FARSB: variants seen among roughly 807,000 people sequenced by gnomAD.
FARSB encodes phenylalanyl-tRNA synthetase subunit beta.
Under a neutral mutation model 69.6 loss-of-function variants are expected in FARSB, and 40 were observed. The observed-to-expected ratio is 0.57, with a 90% CI of 0.45 to 0.75. FARSB has a LOEUF of 0.75. FARSB is among the 30% of genes least tolerant of loss of function. FARSB has a pLI of 0.00. For missense variants in FARSB, 632 were observed against 722.9 expected, an observed-to-expected ratio of 0.87 and a Z score of 1.44; for synonymous variants, 235 against 247.2, an observed-to-expected ratio of 0.95 and a Z score of 0.46.
intron 16 of FARSB, among the ~76,000 whole-genome samples, chr2:222,587,347 C>T (rs1406013145): frequency 6.6e-6 from 1 of 152,162 alleles, no homozygotes; most frequent in Non-Finnish European, 1.5e-5. Flanking sequence ...CTCTGGGACA[C>T]ATTTAAAGCA....
chr2:222,616,505 C>G (rs1690999063), intron 14 of FARSB, among the ~76,000 whole-genome samples: 1 of 140,540 alleles, frequency 7.1e-6, no homozygotes, highest in Admixed American at 7.3e-5. Flanking sequence ...CAAGATTGCA[C>G]CACTGCACTC....
intron 16 of FARSB, among the ~76,000 whole-genome samples, chr2:222,592,022 G>A (rs573959788): frequency 5.3e-5 from 8 of 152,282 alleles, no homozygotes; most frequent in South Asian, 2.1e-4. Context: ...ATTCAGTTTA[G>A]AGCTGGATGG....
chr2:222,650,623 G>A (rs1479592549), intron 1 of FARSB, among the ~76,000 whole-genome samples: 1 of 152,122 alleles, frequency 6.6e-6, no homozygotes, highest in Non-Finnish European at 1.5e-5. Flanking sequence ...ACTAGGGCAG[G>A]TAGTAATAGG....
chr2:222,595,921 CAT>C (rs143991245), intron 16 of FARSB, among the ~76,000 whole-genome samples: 58 of 148,918 alleles, frequency 3.9e-4, no homozygotes, highest in African/African-American at 3.9e-4. Flanking sequence ...AAAGAAAAAG[CAT>C]ATATATATAT....
chr2:222,609,836 A>T (rs1425999918), intron 15 of FARSB, among the ~76,000 whole-genome samples: 1 of 152,212 alleles, frequency 6.6e-6, no homozygotes, highest in East Asian at 1.9e-4. Flanking sequence ...CTACTCTTAC[A>T]GGAATACTGG....
At chr2:222,638,048 A>G (rs1163404702) in intron 5 of FARSB, among the ~76,000 whole-genome samples, 1 of 152,188 alleles carries the variant, frequency 6.6e-6, no homozygotes, top group Non-Finnish European at 1.5e-5. Context: ...ATCAAAGGAA[A>G]AAAAAGAGAG....
intron 16 of FARSB, among the ~76,000 whole-genome samples, chr2:222,595,686 T>A (rs1690391715): frequency 6.6e-6 from 1 of 152,000 alleles, no homozygotes; most frequent in East Asian, 1.9e-4. Context: ...GGAAAAAAAA[T>A]CACAGGCTCA....
At chr2:222,605,665 C>T (rs1271018808) in intron 15 of FARSB, among the ~76,000 whole-genome samples, 1 of 152,052 alleles carries the variant, frequency 6.6e-6, no homozygotes, top group African/African-American at 2.4e-5. Context: ...GGCCTGTAAT[C>T]CCAGTACTTT....
chr2:222,621,708 A>AAT (rs1224171295), intron 13 of FARSB, among the ~76,000 whole-genome samples: 1 of 152,246 alleles, frequency 6.6e-6, no homozygotes, highest in African/African-American at 2.4e-5. Context: ...AGCAAAAATC[A>AAT]ATATGATGAA....
chr2:222,613,667 A>G, intron 15 of FARSB, 144 bp downstream of exon 15: 1 of 536,776 alleles, frequency 1.9e-6, no homozygotes. Context: ...AAGCCTGTCC[A>G]TGTGTTGGTA....
Position 222,592,877 on chromosome 2 carries a change from A to C in FARSB, c.1618+7051T>G, listed in dbSNP as rs1007557456. Reference sequence around the variant, plus strand: ...ATCATTCCTAAGTTTTAACTTGTGCACTCTTCTGAGTAGCATGATGAAAAA... The same window carrying C: ...ATCATTCCTAAGTTTTAACTTGTGCCCTCTTCTGAGTAGCATGATGAAAAA... On this transcript the variant is annotated intron_variant, in intron 16 of 16. Transcript: ENST00000281828. 2.0e-5 allele frequency among the ~76,000 whole-genome samples: 3 copies of C among 151,840 alleles called. No individual in the cohort carries two copies. The East Asian group carries it at 5.8e-4, about 29-fold the overall frequency.
At chr2:222,623,621 T>G in intron 13 of FARSB, 29 bp downstream of exon 13, 1 of 1,230,692 alleles carries the variant, frequency 8.1e-7, no homozygotes, top group Non-Finnish European at 1.2e-6. Context: ...TAAATAATCA[T>G]CTGGGCAGAA....
In FARSB at chr2:222,571,858, C is replaced by A; in HGVS notation, c.*13G>T. ...GACACCTGGGAAGAGAATCACACCACAGAGACCAATCTTCACAAAAAGGGT... is the reference window on the plus strand; with the variant it reads ...GACACCTGGGAAGAGAATCACACCAAAGAGACCAATCTTCACAAAAAGGGT... On this transcript the variant is annotated 3_prime_UTR_variant, in exon 17 of 17. Transcript: ENST00000281828. The A allele has an allele frequency of 6.2e-7, 1 of 1,609,446 alleles. No individual in the cohort carries two copies. Among genetic ancestry groups the A allele is most frequent in the East Asian group, 2.2e-5 (1 of 44,782 alleles).
At chr2:222,621,437 G>A (rs1462958798) in intron 13 of FARSB, among the ~76,000 whole-genome samples, 1 of 152,110 alleles carries the variant, frequency 6.6e-6, no homozygotes, top group Admixed American at 6.5e-5. Flanking sequence ...TGGCCACACT[G>A]GTCTCGAACT....
intron 2 of FARSB, among the ~76,000 whole-genome samples, chr2:222,643,659 T>C (rs1366486869): frequency 6.6e-6 from 1 of 152,060 alleles, no homozygotes; most frequent in Non-Finnish European, 1.5e-5. Flanking sequence ...GTATAAAAAC[T>C]AAAAACAGTC....
In FARSB at chr2:222,595,677, GA is replaced by G. The variant is rs550511247; in HGVS notation, c.1618+4250del. ...CTGAAATAGGTAACAAGCTAAAGGG[GA>G]AAAAAAATCACAGGCTCAAGTCAAC... On this transcript the variant is annotated intron_variant, in intron 16 of 16. Transcript: ENST00000281828. Among the ~76,000 whole-genome samples the G allele has an allele frequency of 9.4e-3, 1,428 of 151,656 alleles. 18 individuals carry two copies. The highest frequency in any genetic ancestry group is 0.028 in the African/African-American group (1,163 of 41,332).
At chr2:222,630,031 G>T in intron 9 of FARSB, 82 bp downstream of exon 9, 1 of 836,540 alleles carries the variant, frequency 1.2e-6, no homozygotes, top group Non-Finnish European at 1.9e-6. Context: ...GTGAGCCACC[G>T]CACCTGGCCT....
In FARSB at chr2:222,633,223, G is replaced by T; in HGVS notation, c.691C>A (p.Leu231Ile). ...PVIYDSNGVV[L>I]SMPPIINGDH... ...CCATTGATGATGGGAGGCATTGAAA[G>T]GACGACACCATTGCTATCATAGATA... is the stretch of plus-strand genomic sequence containing the variant. Residue 231 changes from leucine (L) to isoleucine (I), a missense_variant, in exon 7 of 17, where the codon CTT becomes ATT. Physicochemically the swap from Leu to Ile is conservative, Grantham distance 5 (BLOSUM62 2). Coordinates refer to ENST00000281828, the MANE Select transcript of FARSB (RefSeq NM_005687.5). 1 of 1,555,120 alleles carries T rather than the reference G, an allele frequency of 6.4e-7. No homozygotes were observed. The highest frequency in any genetic ancestry group is 8.9e-7 in the Non-Finnish European group (1 of 1,127,178).
intron 5 of FARSB, among the ~76,000 whole-genome samples, chr2:222,635,748 C>T (rs1691562011): frequency 6.6e-6 from 1 of 152,178 alleles, no homozygotes; most frequent in African/African-American, 2.4e-5. Context: ...GACAAACACA[C>T]AGGCACACAT....
Sources: gnomAD v4.1 joint callset for allele counts (sites outside exome capture counted in the v4.1 genomes callset) on GRCh38, gnomAD v4.1.1 for gene constraint, MANE v1.5 for transcripts, NCBI Gene and HGNC (gene_info 2026-07-23, HGNC 2026-07-21) for gene names.